The following SYNPR variants were observed in gnomAD, a reference collection of about 807,000 sequenced individuals.
SYNPR encodes synaptoporin.
In SYNPR, 23 loss-of-function variants were observed where a neutral mutation model predicts 32.9. The observed-to-expected ratio is 0.70, with a 90% CI of 0.50 to 0.99. The LOEUF is 0.99. SYNPR is among the 50% of genes least tolerant of loss of function. The pLI is 0.00. For synonymous variants in SYNPR, 146 were observed against 135.9 expected (o/e 1.07, Z -0.52); for missense variants, 318 against 349.3 (o/e 0.91, Z 0.71).
At chr3:63,370,758 A>G (rs1417169736) in intron 2 of SYNPR, among the ~76,000 whole-genome samples, 1 of 152,196 alleles carries the variant, frequency 6.6e-6, no homozygotes, top group East Asian at 1.9e-4. Context: ...GGAGACAGTA[A>G]GGAGTAATTT....
At chr3:63,468,934 T>C (rs11708068) in intron 2 of SYNPR, among the ~76,000 whole-genome samples, 43,680 of 152,108 alleles carry the variant, frequency 0.29, 6,552 homozygotes, top group East Asian at 0.43. Flanking sequence ...GACATTTCTT[T>C]GCTTAATGAC....
chr3:63,327,955 C>T (rs554767823), intron 2 of SYNPR, among the ~76,000 whole-genome samples: 6 of 152,168 alleles, frequency 3.9e-5, no homozygotes, highest in Non-Finnish European at 7.4e-5. Context: ...TGAAAAGGAT[C>T]AGGAGAGGCA....
chr3:63,280,669 A>G (rs943228598), intron 2 of SYNPR, among the ~76,000 whole-genome samples: 2 of 152,118 alleles, frequency 1.3e-5, no homozygotes, highest in African/African-American at 4.8e-5. Context: ...TCATTCACTC[A>G]TAAGAATTTA....
intron 4 of SYNPR, among the ~76,000 whole-genome samples, chr3:63,561,222 A>G (rs1702683439): frequency 6.6e-6 from 1 of 152,186 alleles, no homozygotes. Flanking sequence ...GTTGTAGGGA[A>G]GTGACAAGGA....
chr3:63,399,299 T>C (rs1465485212), intron 2 of SYNPR, among the ~76,000 whole-genome samples: 2 of 152,234 alleles, frequency 1.3e-5, no homozygotes, highest in African/African-American at 4.8e-5. Flanking sequence ...TAGACAGAGA[T>C]ATTCTCTCAT....
chr3:63,584,639 G>A (rs1703151289), intron 4 of SYNPR, among the ~76,000 whole-genome samples: 2 of 152,006 alleles, frequency 1.3e-5, no homozygotes, highest in African/African-American at 4.8e-5. Context: ...TCGGGTCCGT[G>A]GGTAATATTT....
intron 2 of SYNPR, among the ~76,000 whole-genome samples, chr3:63,476,611 C>T (rs1315331345): frequency 6.6e-6 from 1 of 152,050 alleles, no homozygotes; most frequent in South Asian, 2.1e-4. Flanking sequence ...AAAAAAACAT[C>T]ATTCTTCCCC....
chr3:63,220,210 G>A, the SYNPR span, among the ~76,000 whole-genome samples: 2 of 152,110 alleles, frequency 1.3e-5, no homozygotes, highest in African/African-American at 4.8e-5. Flanking sequence ...CCAGGTTAGA[G>A]GTGACAAAAC....
chr3:63,615,359 G>A lies in SYNPR; in HGVS notation c.736G>A (p.Gly246Ser). ...EKHSSSYNQG[G>S]YNQDSYGSSS... ...GCACTCCAGCAGCTATAATCAAGGTGGTTACAACCAAGACAGCTATGGATC... is the reference window on the plus strand; with the variant it reads ...GCACTCCAGCAGCTATAATCAAGGTAGTTACAACCAAGACAGCTATGGATC... The change falls in exon 6 of 6, where the codon GGT (glycine) becomes AGT (serine). Residue 246 changes from glycine (G) to serine (S), a missense_variant. Physicochemically the swap from Gly to Ser is moderately conservative, Grantham distance 56 (BLOSUM62 0). Coordinates refer to ENST00000478300, the MANE Select transcript of SYNPR (RefSeq NM_001130003.2). 6.2e-7 allele frequency: 1 copy of A among 1,613,896 alleles called. No homozygotes were observed. The highest frequency in any genetic ancestry group is 8.5e-7 in the Non-Finnish European group (1 of 1,179,866).
chr3:63,571,929 C>A (rs764604507), intron 4 of SYNPR, among the ~76,000 whole-genome samples: 10 of 152,158 alleles, frequency 6.6e-5, no homozygotes, highest in Non-Finnish European at 2.9e-5. Flanking sequence ...GAAGGTAGGA[C>A]TGGTTTTGCT....
chr3:63,365,402 C>T (rs1209451463), intron 2 of SYNPR, among the ~76,000 whole-genome samples: 1 of 152,100 alleles, frequency 6.6e-6, no homozygotes, highest in Non-Finnish European at 1.5e-5. Context: ...GTTCAGCACT[C>T]CCACTCCAAA....
chr3:63,567,064 T>C (rs1328050050), intron 4 of SYNPR, among the ~76,000 whole-genome samples: 2 of 152,172 alleles, frequency 1.3e-5, no homozygotes, highest in African/African-American at 4.8e-5. Flanking sequence ...TATATTATTT[T>C]TTGTTCTCTG....
rs559395570 is a variant in SYNPR, at chr3:63,516,485, A to G, written c.209+35529A>G. Among the ~76,000 whole-genome samples the G allele has an allele frequency of 2.0e-5, 3 of 152,294 alleles. No individual in the cohort carries two copies. The South Asian group carries it at 6.2e-4, about 32-fold the overall frequency. On this transcript the variant is annotated intron_variant, in intron 3 of 5. Transcript: ENST00000478300. ...CACTCTGGTGTTATACAAAATTACA[A>G]GGAAAATTCTAAAGGAAGGAAGAAT... is the stretch of plus-strand genomic sequence containing the variant.
intron 2 of SYNPR, among the ~76,000 whole-genome samples, chr3:63,409,651 T>C (rs1026806078): frequency 1.3e-5 from 2 of 152,196 alleles, no homozygotes; most frequent in Admixed American, 1.3e-4. Flanking sequence ...CAGATATGTA[T>C]TGAATGTTTA....
intron 1 of SYNPR, among the ~76,000 whole-genome samples, chr3:63,233,933 C>G (rs1342479470): frequency 6.6e-6 from 1 of 152,142 alleles, no homozygotes; most frequent in Non-Finnish European, 1.5e-5. Context: ...AGGAGACAGA[C>G]ACAGGAGAAA....
At chr3:63,481,046 G>T in intron 3 of SYNPR, 90 bp downstream of exon 3, 2 of 1,506,890 alleles carry the variant, frequency 1.3e-6, no homozygotes, top group Non-Finnish European at 1.8e-6. Flanking sequence ...GTCTTCCAGG[G>T]ACTTCTGGGT....
intron 2 of SYNPR, among the ~76,000 whole-genome samples, chr3:63,474,485 G>C (rs541701102): frequency 1.3e-5 from 2 of 152,168 alleles, no homozygotes; most frequent in African/African-American, 4.8e-5. Flanking sequence ...TGGAAAAGGA[G>C]TGAATCAACA....
chr3:63,483,857 T>C (rs929416841), intron 3 of SYNPR, among the ~76,000 whole-genome samples: 4 of 152,344 alleles, frequency 2.6e-5, no homozygotes, highest in Admixed American at 6.5e-5. Context: ...TCTTCTAAAA[T>C]GTCACAAGCC....
chr3:63,430,650 T>A (rs1487436145), intron 2 of SYNPR, among the ~76,000 whole-genome samples: 1 of 152,164 alleles, frequency 6.6e-6, no homozygotes, highest in Non-Finnish European at 1.5e-5. Context: ...AAGTTTATTA[T>A]ATAGACAATG....
Sources: allele counts gnomAD v4.1 joint callset (sites outside exome capture counted in the v4.1 genomes callset), GRCh38; gene constraint gnomAD v4.1.1; transcripts MANE v1.5; gene names NCBI Gene and HGNC (gene_info 2026-07-23, HGNC 2026-07-21).